ATG2A: variants seen among roughly 807,000 people sequenced by gnomAD.
ATG2A encodes the protein autophagy related 2A.
A neutral mutation model predicts 214.2 loss-of-function variants in ATG2A; 103 were observed. That is an observed-to-expected ratio of 0.48 (90% CI 0.41 to 0.57). The LOEUF (loss-of-function observed/expected upper bound fraction) is 0.57. Among genes scored for constraint, ATG2A ranks in the 20% least tolerant of loss-of-function variants. The probability of loss-of-function intolerance (pLI) is 0.00; values close to 1 mark genes in which losing one functional copy is unlikely to be tolerated. For missense variants in ATG2A, 2,312 were observed against 2,613.2 expected, an observed-to-expected ratio of 0.88 and a Z score of 2.51; for synonymous variants, 1,160 against 1,142.1, an observed-to-expected ratio of 1.02 and a Z score of -0.32.
In ATG2A at chr11:64,913,757, G is replaced by C; in HGVS notation, c.590+64C>G. ...CCCAGGAACCTAGGCTGCGGGTGGGGACCATCCAGCAGCCCCCACTCCCCA... is the reference window on the plus strand; with the variant it reads ...CCCAGGAACCTAGGCTGCGGGTGGGCACCATCCAGCAGCCCCCACTCCCCA... On this transcript the variant is annotated intron_variant, in intron 4 of 40. Coordinates refer to ENST00000377264, the MANE Select transcript of ATG2A (RefSeq NM_015104.3). This position sits in a 1 kb window ranked among gnomAD's most constrained non-coding sequence, Gnocchi z 4.3. The C allele has an allele frequency of 1.3e-6, 2 of 1,505,498 alleles. No homozygotes were observed. The highest frequency in any genetic ancestry group is 1.8e-6 in the Non-Finnish European group (2 of 1,093,082). The allele number at this position is 1,505,498 out of a possible 1,614,324, so 93.3% of individuals were successfully genotyped here.
Position 64,903,173 on chromosome 11 carries a change from G to T in ATG2A, c.3612+115C>A. 1 of 954,416 alleles carries T rather than the reference G, an allele frequency of 1.0e-6. No homozygotes were observed. Among genetic ancestry groups the T allele is most frequent in the Non-Finnish European group, 1.6e-6 (1 of 615,168 alleles). 59.1% of individuals were successfully genotyped at this position (954,416 alleles called of 1,614,324 possible). On this transcript the variant is annotated intron_variant, in intron 26 of 40. Transcript: ENST00000377264. This position sits in a 1 kb window ranked among gnomAD's most constrained non-coding sequence, Gnocchi z 4.2. ...GGGCGCTAACTGCAGCCCAGGAAGG[G>T]CAGGCATGAACTGTGTCCGGAGCCC...
At chr11:64,904,470 A>C (rs1330837705) in intron 24 of ATG2A, among the ~76,000 whole-genome samples, 1 of 151,336 alleles carries the variant, frequency 6.6e-6, no homozygotes, top group East Asian at 1.9e-4. Flanking sequence ...GCTTGAACCC[A>C]GGAGGCAGAG....
chr11:64,894,650 C>G lies in ATG2A; in HGVS notation c.*323G>C, dbSNP rs534891434. 2 of 636,712 alleles carry G rather than the reference C, an allele frequency of 3.1e-6. No homozygotes were observed. The highest frequency in any genetic ancestry group is 2.1e-5 in the Admixed American group (1 of 47,840). The allele number at this position is 636,712 out of a possible 1,614,324, so 39.4% of individuals were successfully genotyped here. ...CACGGATATCATCCCCTCCTCCCCC[C>G]AGACACAGAAAGACACTTGGCTGAG... On this transcript the variant is annotated 3_prime_UTR_variant, in exon 41 of 41. Transcript: ENST00000377264.
chr11:64,902,374 G>A lies in ATG2A; in HGVS notation c.3790C>T (p.Pro1264Ser). 6.3e-7 allele frequency: 1 copy of A among 1,579,868 alleles called. No individual in the cohort carries two copies. The highest frequency in any genetic ancestry group is 1.1e-5 in the South Asian group (1 of 87,340). The change falls in exon 28 of 41, where the codon CCT becomes TCT. Residue 1264 changes from proline to serine, a missense_variant. Pro to Ser is a moderately conservative substitution (Grantham distance 74). Transcript: ENST00000377264. Reference sequence around the variant, plus strand: ...GGGGGGCACGAGGGCAGAGAGGCAGGACTCTCCGAGAGCTGGGCCAGGCAG... The same window carrying A: ...GGGGGGCACGAGGGCAGAGAGGCAGAACTCTCCGAGAGCTGGGCCAGGCAG... ...EIAGQKLSES[P>S]ASLPSCPPVE...
chr11:64,897,423 A>G lies in ATG2A; in HGVS notation c.5139T>C (p.Cys1713=). 1 of 1,565,454 alleles carries G rather than the reference A, an allele frequency of 6.4e-7. No individual in the cohort carries two copies. Among genetic ancestry groups the G allele is most frequent in the Non-Finnish European group, 8.7e-7 (1 of 1,154,784 alleles). The change falls in exon 37 of 41, where the codon TGT becomes TGC. Residue 1713 remains cysteine, a synonymous_variant. Transcript: ENST00000377264. ...TGCTGGGGACTCACCCGTGCCTGCAACAGAGCCGCTTTAGCTTCAGCTCGG... is the reference window on the plus strand; with the variant it reads ...TGCTGGGGACTCACCCGTGCCTGCAGCAGAGCCGCTTTAGCTTCAGCTCGG... ...NCSELKLKRL[C]CRHGLLGVDK...
Position 64,909,022 on chromosome 11 carries a change from G to A in ATG2A, c.2333C>T (p.Ser778Phe). 6.2e-7 allele frequency: 1 copy of A among 1,606,242 alleles called. No homozygotes were observed. The highest frequency in any genetic ancestry group is 8.5e-7 in the Non-Finnish European group (1 of 1,176,768). The change falls in exon 16 of 41, where the codon TCC (serine) becomes TTC (phenylalanine). Residue 778 changes from serine (S) to phenylalanine (F), a missense_variant. Coordinates refer to ENST00000377264, the MANE Select transcript of ATG2A (RefSeq NM_015104.3). Reference sequence around the variant, plus strand: ...TGTCTCATACATGGTCCTCTTAGAGGAGAAGGGCGAGGGCTCAGGTTCCCG... The same window carrying A: ...TGTCTCATACATGGTCCTCTTAGAGAAGAAGGGCGAGGGCTCAGGTTCCCG... ...ELREPEPSPF[S>F]SKRTMYETEE...
rs1186468296 is a variant in ATG2A, at chr11:64,896,545, G to A, written c.5344C>T (p.Leu1782=). The change falls in exon 39 of 41, where the codon CTG becomes TTG. Residue 1782 remains leucine (L), a synonymous_variant. Transcript: ENST00000377264. The part of the protein sequence containing the change: ...YRKDGRLMRG[L]QRGAASFGSS... ...CCAAAGGAGGCAGCCCCTCGCTGCAGCCCCCGCATGAGGCGGCCATCCTTC... is the reference window on the plus strand; with the variant it reads ...CCAAAGGAGGCAGCCCCTCGCTGCAACCCCCGCATGAGGCGGCCATCCTTC... 1 of 1,613,984 alleles carries A rather than the reference G, an allele frequency of 6.2e-7. No homozygotes were observed. The highest frequency in any genetic ancestry group is 2.2e-5 in the East Asian group (1 of 44,892).
Position 64,903,382 on chromosome 11 carries a change from G to T in ATG2A, c.3536-18C>A. 6.2e-7 allele frequency: 1 copy of T among 1,613,694 alleles called. No individual in the cohort carries two copies. Among genetic ancestry groups the T allele is most frequent in the Non-Finnish European group, 8.5e-7 (1 of 1,179,744 alleles). ...GACATAATCTGCAGCAGAGGCGAGAGAAAGGTCCTGTGGCCCCCTTCCACC... is the reference window on the plus strand; with the variant it reads ...GACATAATCTGCAGCAGAGGCGAGATAAAGGTCCTGTGGCCCCCTTCCACC... On this transcript the variant is annotated intron_variant, in intron 25 of 40. Coordinates refer to ENST00000377264, the MANE Select transcript of ATG2A (RefSeq NM_015104.3). The surrounding 1 kb of genome is among the most constrained non-coding windows in gnomAD (Gnocchi z 4.2).
In ATG2A at chr11:64,903,746, C is replaced by T. The variant is rs1473828651; in HGVS notation, c.3465-86G>A. The T allele has an allele frequency of 3.3e-5, 44 of 1,349,370 alleles. No individual in the cohort carries two copies. The highest frequency in any genetic ancestry group is 4.3e-5 in the Non-Finnish European group (42 of 985,428). 83.6% of individuals were successfully genotyped at this position (1,349,370 alleles called of 1,614,324 possible). A position where few individuals can be genotyped will look rare whatever the true frequency, so the allele number is the denominator to read the frequency against. On this transcript the variant is annotated intron_variant, in intron 24 of 40. Transcript: ENST00000377264. This position sits in a 1 kb window ranked among gnomAD's most constrained non-coding sequence, Gnocchi z 4.2. ...GCCGAGCAGAGGGGTCCCAAGCCCACAGGAGGTGGTATGGACAGGCCCCTC... is the reference window on the plus strand; with the variant it reads ...GCCGAGCAGAGGGGTCCCAAGCCCATAGGAGGTGGTATGGACAGGCCCCTC...
chr11:64,907,357 T>C lies in ATG2A; in HGVS notation c.2730A>G (p.Pro910=). 1 of 1,558,640 alleles carries C rather than the reference T, an allele frequency of 6.4e-7. No homozygotes were observed. Among genetic ancestry groups the C allele is most frequent in the African/African-American group, 1.4e-5 (1 of 73,510 alleles). Residue 910 remains proline (P), a synonymous_variant, in exon 19 of 41, where the codon CCA becomes CCG. Coordinates refer to ENST00000377264, the MANE Select transcript of ATG2A (RefSeq NM_015104.3). ...HFFSVGASGG[P]QAAAPEAPSL... ...TTGGGGCCTCAGGGGCAGCGGCCTGTGGGCCACCTGATGCCCCCACTGAGA... is the reference window on the plus strand; with the variant it reads ...TTGGGGCCTCAGGGGCAGCGGCCTGCGGGCCACCTGATGCCCCCACTGAGA...
chr11:64,903,360 A>G lies in ATG2A; in HGVS notation c.3540T>C (p.Tyr1180=), dbSNP rs1254159798. The change falls in exon 26 of 41, where the codon TAT becomes TAC. Residue 1180 remains tyrosine, a synonymous_variant. Coordinates refer to ENST00000377264, the MANE Select transcript of ATG2A (RefSeq NM_015104.3). This position sits in a 1 kb window ranked among gnomAD's most constrained non-coding sequence, Gnocchi z 4.2. ...AGAGGTCAACATCCAAAACACAGAC[A>G]TAATCTGCAGCAGAGGCGAGAGAAA... ...EVETLDLRRD[Y]VCVLDVDLLE... The G allele has an allele frequency of 6.8e-6, 11 of 1,613,974 alleles. No homozygotes were observed. Among genetic ancestry groups the G allele is most frequent in the Non-Finnish European group, 9.3e-6 (11 of 1,180,006 alleles).
chr11:64,901,123 A>C, intron 29 of ATG2A, 31 bp from the exon 30 acceptor site: 1 of 1,545,808 alleles, frequency 6.5e-7, no homozygotes, highest in Non-Finnish European at 8.7e-7. Context: ...CGTGTGACAC[A>C]GATGTTCGAT....
At chr11:64,900,838 G>A (rs1241535267) in intron 30 of ATG2A, 46 bp downstream of exon 30, 1 of 1,536,730 alleles carries the variant, frequency 6.5e-7, no homozygotes, top group African/African-American at 1.4e-5. Context: ...GGACCAGCCT[G>A]AGCCCCAACC....
Position 64,894,839 on chromosome 11 carries a change from G to T in ATG2A, c.*134C>A. 9.2e-7 allele frequency: 1 copy of T among 1,082,500 alleles called. No homozygotes were observed. The highest frequency in any genetic ancestry group is 1.4e-6 in the Non-Finnish European group (1 of 709,416). 67.1% of individuals were successfully genotyped at this position (1,082,500 alleles called of 1,614,324 possible). Reference sequence around the variant, plus strand: ...CCCCCTCTCACAGCAGATTGGCAACGGGCAGGCTGGGAAGGCGTCCTTCAC... The same window carrying T: ...CCCCCTCTCACAGCAGATTGGCAACTGGCAGGCTGGGAAGGCGTCCTTCAC... On this transcript the variant is annotated 3_prime_UTR_variant, in exon 41 of 41. Transcript: ENST00000377264.
chr11:64,897,377 G>A (rs575810443), intron 37 of ATG2A, 35 bp downstream of exon 37: 76 of 1,550,496 alleles, frequency 4.9e-5, no homozygotes, highest in Non-Finnish European at 6.5e-5. Flanking sequence ...GAAGATCAGG[G>A]ACCCTGGAGA....
At position 64,895,489 on chromosome 11, in the gene ATG2A, C is replaced by G; in HGVS notation, c.5428-47G>C. The G allele has an allele frequency of 6.7e-7, 1 of 1,484,840 alleles. No individual in the cohort carries two copies. The highest frequency in any genetic ancestry group is 9.0e-7 in the Non-Finnish European group (1 of 1,113,600). The allele number at this position is 1,484,840 out of a possible 1,614,324, so 92.0% of individuals were successfully genotyped here. A position where few individuals can be genotyped will look rare whatever the true frequency, so the allele number is the denominator to read the frequency against. ...GATGAGGACAGCTGGCTGGGGCACA[C>G]GTCAGCCCCAGGCCCCCAGGACAGT... is the stretch of plus-strand genomic sequence containing the variant. On this transcript the variant is annotated intron_variant, in intron 39 of 40. Transcript: ENST00000377264. This position sits in a 1 kb window ranked among gnomAD's most constrained non-coding sequence, Gnocchi z 5.0.
Position 64,895,738 on chromosome 11 carries a change from T to C in ATG2A, c.5428-296A>G, listed in dbSNP as rs971228017. Among the ~76,000 whole-genome samples the C allele has an allele frequency of 6.6e-6, 1 of 152,158 alleles. No homozygotes were observed. The highest frequency in any genetic ancestry group is 2.4e-5 in the African/African-American group (1 of 41,426). ...ACCACCACATTCAGCAGGTTCCACA[T>C]GGCTGCCGCAGCTGCACGCCTGAGA... On this transcript the variant is annotated intron_variant, in intron 39 of 40. Coordinates refer to ENST00000377264, the MANE Select transcript of ATG2A (RefSeq NM_015104.3). This position sits in a 1 kb window ranked among gnomAD's most constrained non-coding sequence, Gnocchi z 5.0.
Position 64,896,627 on chromosome 11 carries a change from G to A in ATG2A, c.5273-11C>T. On this transcript the variant is annotated splice_polypyrimidine_tract_variant and intron_variant, in intron 38 of 40. Transcript: ENST00000377264. ...CCCGGAACCCTTGGACTAGGGGGAA[G>A]GAGCGCTCAGAGACACCCGAGGCTG... The A allele has an allele frequency of 1.9e-6, 3 of 1,612,022 alleles. No individual in the cohort carries two copies. The highest frequency in any genetic ancestry group is 8.5e-7 in the Non-Finnish European group (1 of 1,178,322).
At chr11:64,909,171 T>C (rs1590648545) in intron 15 of ATG2A, 21 bp from the exon 16 acceptor site, 3 of 1,606,226 alleles carry the variant, frequency 1.9e-6, no homozygotes, top group African/African-American at 1.3e-5. Flanking sequence ...ACAGGCCTGT[T>C]ACTGGCCTGC....
Sources: allele counts gnomAD v4.1 joint callset (sites outside exome capture counted in the v4.1 genomes callset), GRCh38; gene constraint gnomAD v4.1.1; non-coding constraint Gnocchi (gnomAD v3.1); transcripts MANE v1.5; gene names NCBI Gene and HGNC (gene_info 2026-07-23, HGNC 2026-07-21).